PLAC8: variants seen among roughly 807,000 people sequenced by gnomAD.
PLAC8 encodes placenta associated 8, also known as placenta-specific gene 8 protein.
PLAC8 carries 6 observed loss-of-function variants against 12.6 expected under a neutral mutation model. The ratio of observed to expected loss-of-function variants is 0.48; its 90% confidence interval spans 0.26 to 0.94. The LOEUF (loss-of-function observed/expected upper bound fraction) is 0.94. PLAC8 is among the 40% of genes least tolerant of loss of function. PLAC8 has a pLI of 0.14. For missense variants in PLAC8, 122 were observed against 152.7 expected (o/e 0.80, Z 1.06); for synonymous variants, 54 against 52.6 (o/e 1.03, Z -0.11).
intron 1 of PLAC8, 101 bp downstream of exon 1, chr4:83,114,565 A>G (rs1356772082): frequency 1.3e-5 from 2 of 152,224 alleles, no homozygotes; most frequent in African/African-American, 4.8e-5. Context: ...AAAATATAAC[A>G]TGCTAAGAAA....
Position 83,097,253 on chromosome 4 carries a change from A to G in PLAC8, c.244-2462T>C, listed in dbSNP as rs142344905. On this transcript the variant is annotated intron_variant, in intron 3 of 4. Coordinates refer to ENST00000311507, the MANE Select transcript of PLAC8 (RefSeq NM_016619.3). ...GGGGTGTGTGTGTGTGTGGGTGTGT[A>G]TGTGTGTGTGTGTGTGATGTTTATA... Among the ~76,000 whole-genome samples, 464 of 150,262 alleles carry G rather than the reference A, an allele frequency of 3.1e-3. 26 individuals carry two copies. In the East Asian group the frequency reaches 0.08, roughly 26 times the overall value.
chr4:83,111,395 G>A (rs1402846801), intron 1 of PLAC8, among the ~76,000 whole-genome samples: 1 of 151,952 alleles, frequency 6.6e-6, no homozygotes, highest in Non-Finnish European at 1.5e-5. Flanking sequence ...GGCCAGGCAC[G>A]GTGGCTAACG....
chr4:83,101,078 A>G (rs985327837), intron 3 of PLAC8, among the ~76,000 whole-genome samples: 2 of 152,160 alleles, frequency 1.3e-5, no homozygotes, highest in African/African-American at 4.8e-5. Flanking sequence ...GAAGGATAAG[A>G]GAGACAAAGC....
chr4:83,094,707 T>G lies in PLAC8; in HGVS notation c.328A>C (p.Arg110=). The G allele has an allele frequency of 6.2e-7, 1 of 1,603,666 alleles. No individual in the cohort carries two copies. The highest frequency in any genetic ancestry group is 8.5e-7 in the Non-Finnish European group (1 of 1,175,964). Residue 110 remains arginine (R), a synonymous_variant, in exon 4 of 5, where the codon AGA becomes CGA. Transcript: ENST00000311507. ...CQIKRDINRR[R]AMRTF is the part of the protein sequence containing the mutation. The stretch of plus-strand genomic sequence containing the variant: ...AGTTTTTAGAAAGTACGCATGGCTC[T>G]CCTTCTGTTGATATCTCTCTTGATT...
At chr4:83,100,133 T>C (rs1302015705) in intron 3 of PLAC8, among the ~76,000 whole-genome samples, 1 of 151,390 alleles carries the variant, frequency 6.6e-6, no homozygotes, top group Non-Finnish European at 1.5e-5. Context: ...TACAAAAAAA[T>C]AGCCAGGCGT....
chr4:83,106,954 C>T (rs1028221247), intron 2 of PLAC8, among the ~76,000 whole-genome samples: 1 of 152,166 alleles, frequency 6.6e-6, no homozygotes, highest in African/African-American at 2.4e-5. Context: ...AATCCCAGTA[C>T]TTTGGGAGGC....
chr4:83,108,359 G>A (rs1235038924), intron 1 of PLAC8, among the ~76,000 whole-genome samples: 1 of 152,166 alleles, frequency 6.6e-6, no homozygotes, highest in African/African-American at 2.4e-5. Context: ...TTGGGAGGCC[G>A]AGGCCGACGG....
At chr4:83,098,229 G>A (rs1193425939) in intron 3 of PLAC8, among the ~76,000 whole-genome samples, 1 of 152,144 alleles carries the variant, frequency 6.6e-6, no homozygotes, top group African/African-American at 2.4e-5. Context: ...AAGTGAAAAG[G>A]GTTTGTAAAG....
chr4:83,092,346 T>C (rs1037939208), intron 4 of PLAC8, among the ~76,000 whole-genome samples: 2 of 152,070 alleles, frequency 1.3e-5, no homozygotes, highest in African/African-American at 4.8e-5. Context: ...GTACAATCTG[T>C]ACTATATACT....
intron 1 of PLAC8, among the ~76,000 whole-genome samples, chr4:83,111,475 CA>C (rs200508250): frequency 5.2e-4 from 72 of 139,358 alleles, no homozygotes; most frequent in African/African-American, 1.2e-3. Context: ...CTCTTATCTC[CA>C]AAAAAAAAAT....
chr4:83,098,664 G>A (rs1184057410), intron 3 of PLAC8, among the ~76,000 whole-genome samples: 2 of 152,092 alleles, frequency 1.3e-5, no homozygotes, highest in Admixed American at 6.5e-5. Context: ...AGAAGAGACA[G>A]ATTCAGCTGG....
In PLAC8 at chr4:83,099,841, C is replaced by CAA. The variant is rs57432177; in HGVS notation, c.244-5052_244-5051dup. 9.3e-3 allele frequency among the ~76,000 whole-genome samples: 1,235 copies of CAA among 132,608 alleles called. 7 individuals carry two copies. The highest frequency in any genetic ancestry group is 0.013 in the Admixed American group (176 of 13,372). 87.0% of individuals were successfully genotyped at this position (132,608 alleles called of 152,430 possible). ...TGAAACCCCATCTCTACTAAAAATA[C>CAA]AAAAAAAAAAAAAAATTAGATGGGT... On this transcript the variant is annotated intron_variant, in intron 3 of 4. Coordinates refer to ENST00000311507, the MANE Select transcript of PLAC8 (RefSeq NM_016619.3).
intron 1 of PLAC8, among the ~76,000 whole-genome samples, chr4:83,111,880 A>T (rs978756524): frequency 6.6e-6 from 1 of 152,186 alleles, no homozygotes; most frequent in African/African-American, 2.4e-5. Context: ...CTCAGTGGCC[A>T]TCTCTATATT....
At position 83,097,485 on chromosome 4, in the gene PLAC8, T is replaced by C. The variant is rs1333514676; in HGVS notation, c.244-2694A>G. The stretch of plus-strand genomic sequence containing the variant: ...ATTAAGGTCAGATTTGCTAAATGCT[T>C]TAAGGTCAAGCTGTTTCTTTGACTT... On this transcript the variant is annotated intron_variant, in intron 3 of 4. Transcript: ENST00000311507. Among the ~76,000 whole-genome samples, 6 of 152,194 alleles carry C rather than the reference T, an allele frequency of 3.9e-5. No homozygotes were observed. The East Asian group carries it at 1.2e-3, about 29-fold the overall frequency.
intron 4 of PLAC8, chr4:83,094,409 G>A (rs1337144361): frequency 7.2e-6 from 2 of 276,148 alleles, no homozygotes; most frequent in Admixed American, 1.1e-4. Flanking sequence ...TATTTTACAA[G>A]TGGTAAGTGC....
chr4:83,092,733 T>G (rs1731833736), intron 4 of PLAC8: 1 of 152,068 alleles, frequency 6.6e-6, no homozygotes, highest in Admixed American at 6.6e-5. Context: ...TAAAGATATT[T>G]TCTCTGTTTT....
In PLAC8 at chr4:83,104,808, G is replaced by T. The variant is rs1028806427; in HGVS notation, c.243+88C>A. ...GAACTCTTATCAATCAATTTCAGAA[G>T]ATGTATACATCAAATGATCTCCATG... is the stretch of plus-strand genomic sequence containing the variant. On this transcript the variant is annotated intron_variant, in intron 3 of 4. Coordinates refer to ENST00000311507, the MANE Select transcript of PLAC8 (RefSeq NM_016619.3). The T allele has an allele frequency of 5.1e-6, 7 of 1,374,312 alleles. No homozygotes were observed. The African/African-American group carries it at 1.0e-4, about 20-fold the overall frequency. 85.1% of individuals were successfully genotyped at this position (1,374,312 alleles called of 1,614,324 possible).
In PLAC8 at chr4:83,107,939, A is replaced by T; in HGVS notation, c.-18T>A. 8.0e-7 allele frequency: 1 copy of T among 1,251,316 alleles called. No individual in the cohort carries two copies. The highest frequency in any genetic ancestry group is 1.1e-6 in the Non-Finnish European group (1 of 934,496). 77.5% of individuals were successfully genotyped at this position (1,251,316 alleles called of 1,614,324 possible). On this transcript the variant is annotated 5_prime_UTR_variant, in exon 2 of 5. Coordinates refer to ENST00000311507, the MANE Select transcript of PLAC8 (RefSeq NM_016619.3). ...GCTTGCATTTTCAGTGCAGGGCCTT[A>T]AAAGCAGTGGACTGAAAAGGCAGAG...
At chr4:83,109,849 T>A (rs1285257779) in intron 1 of PLAC8, 1 of 152,358 alleles carries the variant, frequency 6.6e-6, no homozygotes, top group Non-Finnish European at 1.5e-5. Context: ...GACCCCTGGG[T>A]CTCCTCTGCT....
Sources: gnomAD v4.1 joint callset for allele counts (sites outside exome capture counted in the v4.1 genomes callset) on GRCh38, gnomAD v4.1.1 for gene constraint, MANE v1.5 for transcripts, NCBI Gene and HGNC (gene_info 2026-07-23, HGNC 2026-07-21) for gene names.